ELMO2: variants seen among roughly 807,000 people sequenced by gnomAD.
ELMO2 encodes the protein engulfment and cell motility protein 2.
A neutral mutation model predicts 96.2 loss-of-function variants in ELMO2; 37 were observed. That is an observed-to-expected ratio of 0.38 (90% CI 0.30 to 0.51). The LOEUF (loss-of-function observed/expected upper bound fraction) is 0.51. ELMO2 is among the 20% of genes least tolerant of loss of function. The pLI is 0.88. For synonymous variants in ELMO2, 315 were observed against 329.4 expected (o/e 0.96, Z 0.47); for missense variants, 561 against 912.6 (o/e 0.61, Z 4.96).
chr20:46,369,962 GT>G (rs1347914497), intron 20 of ELMO2: 562 of 4,090 alleles, frequency 0.14, 3 homozygotes, highest in South Asian at 0.25. Context: ...GGGTATGGGG[GT>G]GTGTGTGTGT....
At position 46,403,504 on chromosome 20, in the gene ELMO2, G is replaced by C. The variant is rs1306905474; in HGVS notation, c.-126+3044C>G. On this transcript the variant is annotated intron_variant, in intron 1 of 21. Transcript: ENST00000290246. ...CATGTAGGGTCTGTAACACTGCAAAGTACCACCTTGCCTAGAGGAGTTTAA... is the reference window on the plus strand; with the variant it reads ...CATGTAGGGTCTGTAACACTGCAAACTACCACCTTGCCTAGAGGAGTTTAA... Among the ~76,000 whole-genome samples the C allele has an allele frequency of 2.0e-5, 3 of 152,308 alleles. No homozygotes were observed. In the East Asian group the frequency reaches 5.8e-4, roughly 29 times the overall value.
In ELMO2 at chr20:46,371,990, C is replaced by T. The variant is rs748994312; in HGVS notation, c.1417-21G>A. The T allele has an allele frequency of 6.2e-7, 1 of 1,612,812 alleles. No homozygotes were observed. Among genetic ancestry groups the T allele is most frequent in the East Asian group, 2.2e-5 (1 of 44,880 alleles). ...ATAACCTAAGAGGAGAAGAACCCAG[C>T]CAACTCACACCACTACTCTTGAGAA... On this transcript the variant is annotated intron_variant, in intron 16 of 21. Transcript: ENST00000290246. The surrounding 1 kb of genome is among the most constrained non-coding windows in gnomAD (Gnocchi z 5.9).
At chr20:46,368,519 C>G (rs961230048) in intron 21 of ELMO2, among the ~76,000 whole-genome samples, 1 of 152,058 alleles carries the variant, frequency 6.6e-6, no homozygotes, top group African/African-American at 2.4e-5. Context: ...ATGACTCATT[C>G]CTAGTTGACC....
intron 20 of ELMO2, chr20:46,369,184 A>C: frequency 2.0e-6 from 1 of 495,158 alleles, no homozygotes; most frequent in East Asian, 3.2e-5. Flanking sequence ...CACATCAAAG[A>C]TGTTGTGATA....
Position 46,371,629 on chromosome 20 carries a change from C to T in ELMO2, c.1643G>A (p.Arg548Gln), listed in dbSNP as rs2145763718. Residue 548 changes from arginine to glutamine, a missense_variant, in exon 18 of 22, where the codon CGG becomes CAG. Physicochemically the swap from Arg to Gln is conservative, Grantham distance 43 (BLOSUM62 1). Transcript: ENST00000290246. This position sits in a 1 kb window ranked among gnomAD's most constrained non-coding sequence, Gnocchi z 5.9. ...LELIKQQRLN[R>Q]LCEGSSFRKI... Reference sequence around the variant, plus strand: ...TCGGAAGCTGCTGCCCTCACAGAGCCGGTTCAGGCGCTGCTGCTTGATCAG... The same window carrying T: ...TCGGAAGCTGCTGCCCTCACAGAGCTGGTTCAGGCGCTGCTGCTTGATCAG... The T allele has an allele frequency of 1.9e-6, 3 of 1,609,574 alleles. No individual in the cohort carries two copies. Among genetic ancestry groups the T allele is most frequent in the Non-Finnish European group, 2.5e-6 (3 of 1,178,696 alleles).
chr20:46,369,692 C>T (rs1437076733), intron 20 of ELMO2: 1 of 156,240 alleles, frequency 6.4e-6, no homozygotes, highest in Admixed American at 6.5e-5. Context: ...ATGACACTGG[C>T]CAGGAAAAAA....
chr20:46,400,374 C>G (rs192520576), intron 1 of ELMO2, among the ~76,000 whole-genome samples: 3 of 152,224 alleles, frequency 2.0e-5, no homozygotes, highest in Non-Finnish European at 4.4e-5. Context: ...CCTTCCAGCA[C>G]GTGTTTGCTT....
intron 7 of ELMO2, 126 bp downstream of exon 7, chr20:46,388,913 C>T (rs2060098023): frequency 2.2e-6 from 2 of 912,038 alleles, no homozygotes; most frequent in East Asian, 2.5e-5. Flanking sequence ...GTGCTTGGCA[C>T]ACTGCTCTGC....
chr20:46,368,595 A>T (rs1412647248), intron 21 of ELMO2, among the ~76,000 whole-genome samples: 1 of 152,234 alleles, frequency 6.6e-6, no homozygotes, highest in Non-Finnish European at 1.5e-5. Context: ...GCTCACAGAT[A>T]AACAATCCAG....
At chr20:46,383,548 T>A (rs2059993177) in intron 9 of ELMO2, 54 bp from the exon 10 acceptor site, 3 of 1,472,142 alleles carry the variant, frequency 2.0e-6, no homozygotes, top group African/African-American at 1.4e-5. Flanking sequence ...AACAGCAAGA[T>A]GATGCTTAGA....
chr20:46,367,282 G>T lies in ELMO2; in HGVS notation c.*78C>A, dbSNP rs1659687308. The stretch of plus-strand genomic sequence containing the variant: ...CACTACAGATTCTGTACAAGCAAAA[G>T]ACAAGGCACCAGAATGTAAGTGTTT... On this transcript the variant is annotated 3_prime_UTR_variant, in exon 22 of 22. Transcript: ENST00000290246. 1 of 1,320,386 alleles carries T rather than the reference G, an allele frequency of 7.6e-7. No homozygotes were observed. Among genetic ancestry groups the T allele is most frequent in the Non-Finnish European group, 1.0e-6 (1 of 997,366 alleles). 81.8% of individuals were successfully genotyped at this position (1,320,386 alleles called of 1,614,324 possible).
intron 9 of ELMO2, among the ~76,000 whole-genome samples, chr20:46,385,863 C>A (rs2060032119): frequency 1.3e-5 from 2 of 152,118 alleles, no homozygotes; most frequent in African/African-American, 4.8e-5. Flanking sequence ...CTGGTACCAC[C>A]CTGGTATGGG....
chr20:46,370,341 T>C (rs1236200016), intron 20 of ELMO2, 102 bp downstream of exon 20: 57 of 1,011,798 alleles, frequency 5.6e-5, no homozygotes, highest in Non-Finnish European at 8.2e-5. Context: ...CATTCAGGAA[T>C]AGAGAGGGGA....
Position 46,373,444 on chromosome 20 carries a change from G to A in ELMO2, c.1371C>T (p.Asn457=), listed in dbSNP as rs1458713946. ...TTGCCCTCATCTCCTTCCAGGTCTT[G>A]TTCAACAGCTGGATGCAGATTCCAA... ...ELFGICIQLL[N]KTWKEMRATA... Residue 457 remains asparagine (N), a synonymous_variant, in exon 16 of 22, where the codon AAC becomes AAT. Coordinates refer to ENST00000290246, the MANE Select transcript of ELMO2 (RefSeq NM_133171.5). 3.1e-6 allele frequency: 5 copies of A among 1,614,068 alleles called. No individual in the cohort carries two copies. In the Admixed American group the frequency reaches 8.3e-5, roughly 27 times the overall value.
At position 46,374,238 on chromosome 20, in the gene ELMO2, G is replaced by A. The variant is rs1039049080; in HGVS notation, c.1279+94C>T. The A allele has an allele frequency of 6.2e-5, 59 of 948,686 alleles. 1 individual carries two copies. The South Asian group carries it at 6.3e-4, about 10-fold the overall frequency. 58.8% of individuals were successfully genotyped at this position (948,686 alleles called of 1,614,324 possible). ...ATTACAGGTGTGAACCACCACGCCC[G>A]ACCCCACTGACATGTAACTGTTTAT... On this transcript the variant is annotated intron_variant, in intron 15 of 21. Transcript: ENST00000290246.
chr20:46,385,996 T>C (rs77374802), intron 9 of ELMO2, 128 bp downstream of exon 9: 1 of 1,016,324 alleles, frequency 9.8e-7, no homozygotes, highest in Non-Finnish European at 1.4e-6. Context: ...GTGGAAGAGG[T>C]GATGAATGAA....
In ELMO2 at chr20:46,374,635, G is replaced by A. The variant is rs1192685328; in HGVS notation, c.1071C>T (p.His357=). ...KDYKMLGFTN[H]INPAMDFTQT... ...GGGTAAAGTCCATGGCTGGATTGAT[G>A]TGGTTCTAGAGAAATAAAGACACCC... Residue 357 remains histidine, a synonymous_variant, in exon 14 of 22, where the codon CAC becomes CAT. Coordinates refer to ENST00000290246, the MANE Select transcript of ELMO2 (RefSeq NM_133171.5). The A allele has an allele frequency of 1.2e-6, 2 of 1,614,034 alleles. No homozygotes were observed. The highest frequency in any genetic ancestry group is 2.7e-5 in the African/African-American group (2 of 74,908).
Position 46,394,411 on chromosome 20 carries a change from G to A in ELMO2, c.72C>T (p.Ile24=), listed in dbSNP as rs374669134. The change falls in exon 3 of 22, where the codon ATC becomes ATT. Residue 24 remains isoleucine, a synonymous_variant. Transcript: ENST00000290246. ...WPGANAQLLE[I]DQKRPLASII... ...TCTCACTTCAGGAGCATACCTGGTC[G>A]ATTTCAAGGAGCTGGGCGTTAGCAC... 1.8e-4 allele frequency: 284 copies of A among 1,613,998 alleles called. No homozygotes were observed. The highest frequency in any genetic ancestry group is 2.3e-4 in the Non-Finnish European group (270 of 1,180,024).
intron 10 of ELMO2, 150 bp downstream of exon 10, chr20:46,383,266 G>A (rs948544440): frequency 3.5e-5 from 28 of 807,156 alleles, no homozygotes; most frequent in Non-Finnish European, 5.3e-5. Context: ...CCTTAGCAAA[G>A]CCACCCTCCT....
Sources: allele counts gnomAD v4.1 joint callset (sites outside exome capture counted in the v4.1 genomes callset), GRCh38; gene constraint gnomAD v4.1.1; non-coding constraint Gnocchi (gnomAD v3.1); transcripts MANE v1.5; gene names NCBI Gene and HGNC (gene_info 2026-07-23, HGNC 2026-07-21).